The following UGT2A2 variants were observed in gnomAD, a reference collection of about 807,000 sequenced individuals.
UGT2A2 encodes the protein UDP glucuronosyltransferase family 2 member A2.
A neutral mutation model predicts 50.7 loss-of-function variants in UGT2A2; 60 were observed. The ratio of observed to expected loss-of-function variants is 1.18; its 90% confidence interval spans 0.96 to 1.47. The LOEUF is 1.47. UGT2A2 is among the 40% of genes most tolerant of loss of function. UGT2A2 has a pLI of 0.00. For synonymous variants in UGT2A2, 242 were observed against 214.6 expected, an observed-to-expected ratio of 1.13 and a Z score of -1.11; for missense variants, 762 against 634.0, an observed-to-expected ratio of 1.20 and a Z score of -2.17.
At chr4:69,592,865 T>C (rs536511021) in intron 5 of UGT2A2, among the ~76,000 whole-genome samples, 52 of 152,218 alleles carry the variant, frequency 3.4e-4, no homozygotes, top group African/African-American at 1.3e-3. Context: ...TAGATTAACA[T>C]TGTTGTAAAG....
intron 1 of UGT2A2, among the ~76,000 whole-genome samples, chr4:69,623,530 A>T (rs1244124638): frequency 6.6e-6 from 1 of 151,566 alleles, no homozygotes; most frequent in Non-Finnish European, 1.5e-5. Context: ...AATAGTTTAT[A>T]TAAATATTTT....
At chr4:69,596,063 C>T (rs1718903036) in intron 3 of UGT2A2, among the ~76,000 whole-genome samples, 187 bp downstream of exon 3, 1 of 152,132 alleles carries the variant, frequency 6.6e-6, no homozygotes. Flanking sequence ...TGCCAAGGCT[C>T]AGTAGGCAAA....
In UGT2A2 at chr4:69,605,278, C is replaced by T. The variant is rs1335059277; in HGVS notation, c.743-5884G>A. 7.3e-5 allele frequency among the ~76,000 whole-genome samples: 10 copies of T among 136,608 alleles called. 1 individual carries two copies. The highest frequency in any genetic ancestry group is 6.5e-4 in the Admixed American group (9 of 13,848). 89.6% of individuals were successfully genotyped at this position (136,608 alleles called of 152,430 possible). On this transcript the variant is annotated intron_variant, in intron 1 of 5. Transcript: ENST00000604629. ...CAGGATTAAGAAATTCACTCAAAAC[C>T]GCTCAACTACATGGAAACTGAACAA...
In UGT2A2 at chr4:69,594,530, T is replaced by A; in HGVS notation, c.1278A>T (p.Thr426=). The part of the protein sequence containing the change: ...KGAAVEVNLN[T]MTSVDLLSAL... The stretch of plus-strand genomic sequence containing the variant: ...CGCTAAGCAAATCCACACTTGTCAT[T>A]GTGTTTAGGTTCACTTCCACAGCTG... Residue 426 remains threonine, a synonymous_variant, in exon 5 of 6, where the codon ACA becomes ACT. Coordinates refer to ENST00000604629, the MANE Select transcript of UGT2A2 (RefSeq NM_001105677.2). 6.2e-7 allele frequency: 1 copy of A among 1,614,188 alleles called. No individual in the cohort carries two copies. Among genetic ancestry groups the A allele is most frequent in the East Asian group, 2.2e-5 (1 of 44,876 alleles).
intron 1 of UGT2A2, among the ~76,000 whole-genome samples, chr4:69,624,532 T>C (rs934042225): frequency 5.3e-5 from 8 of 151,450 alleles, no homozygotes; most frequent in Non-Finnish European, 1.0e-4. Context: ...ATCTCTTTTT[T>C]GTTCTTTTTT....
intron 5 of UGT2A2, 75 bp from the exon 6 acceptor site, chr4:69,589,726 C>A: frequency 6.5e-7 from 1 of 1,528,246 alleles, no homozygotes; most frequent in South Asian, 1.3e-5. Flanking sequence ...ATGTGATACA[C>A]TTTTGCTCTA....
At chr4:69,598,261 C>T (rs1489418302) in intron 2 of UGT2A2, among the ~76,000 whole-genome samples, 1 of 151,284 alleles carries the variant, frequency 6.6e-6, no homozygotes, top group Non-Finnish European at 1.5e-5. Flanking sequence ...ATTTAGTACT[C>T]TTATAGGAAC....
chr4:69,622,903 C>T (rs1490349644), intron 1 of UGT2A2, among the ~76,000 whole-genome samples: 2 of 151,856 alleles, frequency 1.3e-5, no homozygotes, highest in African/African-American at 2.4e-5. Flanking sequence ...ATTTATAATT[C>T]TGCTAAGCCA....
chr4:69,598,560 A>C (rs1363367027), intron 2 of UGT2A2, among the ~76,000 whole-genome samples: 1 of 152,150 alleles, frequency 6.6e-6, no homozygotes, highest in East Asian at 1.9e-4. Flanking sequence ...TAGCTACTTT[A>C]TGCTGATGAA....
intron 5 of UGT2A2, among the ~76,000 whole-genome samples, chr4:69,592,365 A>T (rs919688260): frequency 6.6e-6 from 1 of 152,216 alleles, no homozygotes; most frequent in Non-Finnish European, 1.5e-5. Context: ...TAACAGCCTG[A>T]TAACCACTTA....
chr4:69,590,924 GTTAATGTTTATTAATTGCT>G (rs531791889), intron 5 of UGT2A2, among the ~76,000 whole-genome samples: 51 of 152,206 alleles, frequency 3.4e-4, no homozygotes, highest in African/African-American at 1.2e-3. Flanking sequence ...AAATGTAATT[GTTAATGTTTATTAATTGCT>G]TTAATGAATA....
intron 1 of UGT2A2, among the ~76,000 whole-genome samples, chr4:69,633,983 C>T (rs750036957): frequency 1.3e-5 from 2 of 152,106 alleles, no homozygotes; most frequent in Admixed American, 6.6e-5. Context: ...CGGTGGCTCA[C>T]GCCTGTAATC....
At chr4:69,595,863 T>C (rs1718891827) in intron 3 of UGT2A2, among the ~76,000 whole-genome samples, 1 of 152,206 alleles carries the variant, frequency 6.6e-6, no homozygotes, top group South Asian at 2.1e-4. Flanking sequence ...ATTTTTAGCA[T>C]AATTTCTCCC....
intron 2 of UGT2A2, among the ~76,000 whole-genome samples, chr4:69,598,472 A>G (rs1719065495): frequency 6.6e-6 from 1 of 152,100 alleles, no homozygotes. Flanking sequence ...GTAGCATACA[A>G]TTTCCTTCTC....
chr4:69,626,971 C>T (rs1721096110), intron 1 of UGT2A2, among the ~76,000 whole-genome samples: 1 of 151,584 alleles, frequency 6.6e-6, no homozygotes, highest in African/African-American at 2.4e-5. Context: ...TTTTCGCTGC[C>T]TCAAACTTAA....
chr4:69,608,097 T>G (rs573528486), intron 1 of UGT2A2, among the ~76,000 whole-genome samples: 2 of 152,210 alleles, frequency 1.3e-5, no homozygotes, highest in South Asian at 2.1e-4. Context: ...CATAAATCAT[T>G]CTGCTATAAA....
At position 69,603,773 on chromosome 4, in the gene UGT2A2, C is replaced by A. The variant is rs913953160; in HGVS notation, c.743-4379G>T. Among the ~76,000 whole-genome samples, 11 of 136,736 alleles carry A rather than the reference C, an allele frequency of 8.0e-5. 2 individuals are homozygous for A. In the East Asian group the frequency reaches 1.4e-3, roughly 18 times the overall value. 89.7% of individuals were successfully genotyped at this position (136,736 alleles called of 152,430 possible). Reference sequence around the variant, plus strand: ...GCACAAGAACTACGTGACAAATGCACAAGCCTCAGTAGCCGATTCAATCAA... The same window carrying A: ...GCACAAGAACTACGTGACAAATGCAAAAGCCTCAGTAGCCGATTCAATCAA... On this transcript the variant is annotated intron_variant, in intron 1 of 5. Coordinates refer to ENST00000604629, the MANE Select transcript of UGT2A2 (RefSeq NM_001105677.2).
At chr4:69,633,394 T>G (rs933359340) in intron 1 of UGT2A2, among the ~76,000 whole-genome samples, 1 of 152,162 alleles carries the variant, frequency 6.6e-6, no homozygotes, top group African/African-American at 2.4e-5. Context: ...GCACAACCTT[T>G]TGGGAAACTA....
rs977152675 is a variant in UGT2A2 at position 69,605,132 on chromosome 4, C to T, written c.743-5738G>A. On this transcript the variant is annotated intron_variant, in intron 1 of 5. Transcript: ENST00000604629. ...ACAGAATATACATTCTTCTCAGCAC[C>T]ACACCGCACTTATTCCAAAATTGAC... 5.8e-5 allele frequency among the ~76,000 whole-genome samples: 8 copies of T among 136,836 alleles called. 1 individual carries two copies. Among genetic ancestry groups the T allele is most frequent in the African/African-American group, 2.1e-4 (7 of 33,768 alleles). 89.8% of individuals were successfully genotyped at this position (136,836 alleles called of 152,430 possible).
Sources: allele counts gnomAD v4.1 joint callset (sites outside exome capture counted in the v4.1 genomes callset), GRCh38; gene constraint gnomAD v4.1.1; transcripts MANE v1.5; gene names NCBI Gene and HGNC (gene_info 2026-07-23, HGNC 2026-07-21).